The following ANKRD18B variants were observed in gnomAD, a reference collection of about 807,000 sequenced individuals.
The protein encoded by ANKRD18B is ankyrin repeat domain-containing protein 18B.
In ANKRD18B, 75 loss-of-function variants were observed where a neutral mutation model predicts 111.8. The observed-to-expected ratio is 0.67, with a 90% CI of 0.56 to 0.81. The LOEUF is 0.81. ANKRD18B is among the 40% of genes least tolerant of loss of function. The pLI is 0.00. For missense variants in ANKRD18B, 1,038 were observed against 1,225.5 expected (o/e 0.85, Z 2.28); for synonymous variants, 356 against 417.3 (o/e 0.85, Z 1.79).
downstream of ANKRD18B, among the ~76,000 whole-genome samples, chr9:33,575,071 G>C (rs1828841791): frequency 6.6e-6 from 1 of 152,218 alleles, no homozygotes; most frequent in Non-Finnish European, 1.5e-5. Context: ...TCACTATCAA[G>C]TGGGTGGTTT....
intron 18 of ANKRD18B, chr9:33,571,951 T>C (rs1349251291): frequency 2.2e-5 from 4 of 184,926 alleles, no homozygotes; most frequent in Non-Finnish European, 4.5e-5. Flanking sequence ...AGTGCCCCGC[T>C]GTATACCTGT....
At chr9:33,532,244 G>C (rs1239467442) in intron 3 of ANKRD18B, among the ~76,000 whole-genome samples, 1 of 151,580 alleles carries the variant, frequency 6.6e-6, no homozygotes, top group African/African-American at 2.4e-5. Context: ...CAAAAAAAAA[G>C]AAAAAAAGTG....
chr9:33,552,531 C>T (rs975531691), intron 12 of ANKRD18B, among the ~76,000 whole-genome samples: 3 of 152,080 alleles, frequency 2.0e-5, no homozygotes, highest in Admixed American at 1.3e-4. Context: ...CTGGTCATGT[C>T]GGTTATGTAC....
chr9:33,528,026 G>A (rs190988974), intron 1 of ANKRD18B, among the ~76,000 whole-genome samples: 13 of 152,326 alleles, frequency 8.5e-5, no homozygotes, highest in Admixed American at 4.6e-4. Context: ...CTGGCTGGGT[G>A]CGTGGCTCAC....
intron 16 of ANKRD18B, among the ~76,000 whole-genome samples, chr9:33,568,411 A>G (rs1437231846): frequency 4.6e-5 from 7 of 152,212 alleles, no homozygotes; most frequent in Non-Finnish European, 7.3e-5. Flanking sequence ...GCTGTACATC[A>G]CTGATAGCCA....
chr9:33,569,099 C>A (rs1248040840), intron 17 of ANKRD18B: 2 of 455,560 alleles, frequency 4.4e-6, no homozygotes, highest in East Asian at 3.7e-5. Flanking sequence ...CATTTGCTAA[C>A]TTTATTCAAT....
intron 14 of ANKRD18B, among the ~76,000 whole-genome samples, chr9:33,560,387 C>G (rs902533848): frequency 6.6e-6 from 1 of 152,210 alleles, no homozygotes; most frequent in African/African-American, 2.4e-5. Context: ...ATGTGGGCCT[C>G]CAGTCTGCTG....
downstream of ANKRD18B, among the ~76,000 whole-genome samples, chr9:33,574,078 G>A (rs568155118): frequency 2.5e-4 from 36 of 142,842 alleles, 7 homozygotes; most frequent in Non-Finnish European, 4.1e-4. Context: ...GGGCTCAGTC[G>A]GCTGGGGACT....
rs190336871 is a variant in ANKRD18B, at chr9:33,555,772, C to T, written c.2282C>T (p.Ala761Val). ...TTAATATCATTACTGAACTATACTG[C>T]GGATCAAATAAGAAAGAAAAATCGT... is the stretch of plus-strand genomic sequence containing the variant. ...FELISLLNYT[A>V]DQIRKKNREL... The change falls in exon 13 of 19, where the codon GCG (alanine) becomes GTG (valine). Residue 761 changes from alanine to valine, a missense_variant. Ala to Val is a moderately conservative substitution (Grantham distance 64). Transcript: ENST00000684830. The T allele has an allele frequency of 1.4e-4, 202 of 1,403,272 alleles. No individual in the cohort carries two copies. The highest frequency in any genetic ancestry group is 1.9e-4 in the South Asian group (11 of 58,744). 86.9% of individuals were successfully genotyped at this position (1,403,272 alleles called of 1,614,324 possible).
intron 18 of ANKRD18B, chr9:33,572,020 G>A (rs921378922): frequency 1.8e-4 from 64 of 364,096 alleles, no homozygotes; most frequent in African/African-American, 1.3e-3. Context: ...TATAGCATAT[G>A]ACTATTGGGA....
chr9:33,542,092 C>G (rs1468686912), intron 9 of ANKRD18B, among the ~76,000 whole-genome samples: 1 of 151,282 alleles, frequency 6.6e-6, no homozygotes, highest in African/African-American at 2.4e-5. Flanking sequence ...AAAAGCCATC[C>G]CTGACAGCTT....
chr9:33,539,138 A>G (rs1191341371), intron 6 of ANKRD18B, among the ~76,000 whole-genome samples: 1 of 152,238 alleles, frequency 6.6e-6, no homozygotes, highest in African/African-American at 2.4e-5. Flanking sequence ...CATTTTTCCA[A>G]TGTTACAAAA....
intron 10 of ANKRD18B, among the ~76,000 whole-genome samples, chr9:33,546,137 T>G (rs1032630581): frequency 2.0e-5 from 3 of 152,198 alleles, no homozygotes; most frequent in African/African-American, 7.2e-5. Flanking sequence ...TGAATTACAT[T>G]TATTTAAATG....
chr9:33,564,772 A>G (rs1828661210), intron 14 of ANKRD18B, among the ~76,000 whole-genome samples: 2 of 152,022 alleles, frequency 1.3e-5, no homozygotes, highest in Admixed American at 6.6e-5. Context: ...TGTAGGTTTG[A>G]TTTGTATTTC....
rs1180328888 is a variant in ANKRD18B, at chr9:33,566,222, G to C, written c.2464G>C (p.Asp822His). The part of the protein sequence containing the change: ...ILFKKLKQKF[D>H]DLMAEKEAVS... ...CTCTATTATTTTATTAATGCAGTTT[G>C]ATGATCTTATGGCCGAGAAGGAAGC... is the stretch of plus-strand genomic sequence containing the variant. The change falls in exon 15 of 19, where the codon GAT becomes CAT. Residue 822 changes from aspartate to histidine, a missense_variant. Physicochemically the swap from Asp to His is moderately conservative, Grantham distance 81. Around this residue, in one of 4 missense-constraint regions of ANKRD18B, gnomAD observed 524 missense variants for 677.9 expected, o/e 0.77. Transcript: ENST00000684830. 6.4e-7 allele frequency: 1 copy of C among 1,551,920 alleles called. No homozygotes were observed. Among genetic ancestry groups the C allele is most frequent in the Admixed American group, 1.9e-5 (1 of 51,294 alleles).
At chr9:33,553,748 T>C (rs1392024472) in intron 12 of ANKRD18B, among the ~76,000 whole-genome samples, 1 of 152,130 alleles carries the variant, frequency 6.6e-6, no homozygotes, top group Non-Finnish European at 1.5e-5. Flanking sequence ...AGGCAAACAA[T>C]TGATAATCTG....
intron 1 of ANKRD18B, among the ~76,000 whole-genome samples, chr9:33,528,259 C>T (rs1828055546): frequency 6.6e-6 from 1 of 152,210 alleles, no homozygotes; most frequent in African/African-American, 2.4e-5. Context: ...CATAAATACA[C>T]CATTGCACTC....
Position 33,524,620 on chromosome 9 carries a change from A to G in ANKRD18B, c.131A>G (p.Lys44Arg), listed in dbSNP as rs754691965. The G allele has an allele frequency of 2.1e-5, 32 of 1,551,572 alleles. 2 individuals are homozygous for G. In the South Asian group the frequency reaches 3.6e-4, roughly 17 times the overall value. ...ELRKIHRAAIKGDAAEVEHCL... is the reference protein window; with the variant it reads ...ELRKIHRAAIRGDAAEVEHCL... Reference sequence around the variant, plus strand: ...CGGAAGATCCACAGGGCGGCCATCAAGGGCGACGCCGCAGAGGTGGAGCAC... The same window carrying G: ...CGGAAGATCCACAGGGCGGCCATCAGGGGCGACGCCGCAGAGGTGGAGCAC... The change falls in exon 1 of 19, where the codon AAG (lysine) becomes AGG (arginine). Residue 44 changes from lysine (K) to arginine (R), a missense_variant. Lys to Arg is a conservative substitution (Grantham distance 26). This residue lies in a region of ANKRD18B where 216 missense variants were observed against 205.1 expected (regional missense o/e 1.05). Transcript: ENST00000684830.
chr9:33,547,269 G>A lies in ANKRD18B; in HGVS notation c.1150-669G>A, dbSNP rs370295126. ...AGAACTGGAAGTAGAGTCAGAAGCC[G>A]TGAGGAAAATCCTGCAGCTTGCTTA... On this transcript the variant is annotated intron_variant, in intron 10 of 18. Coordinates refer to ENST00000684830, the MANE Select transcript of ANKRD18B (RefSeq NM_001393611.1). Among the ~76,000 whole-genome samples, 405 of 152,250 alleles carry A rather than the reference G, an allele frequency of 2.7e-3. 2 individuals are homozygous for A. Among genetic ancestry groups the A allele is most frequent in the African/African-American group, 9.0e-3 (374 of 41,572 alleles).
Sources: gnomAD v4.1 joint callset for allele counts (sites outside exome capture counted in the v4.1 genomes callset) on GRCh38, gnomAD v4.1.1 for gene constraint, gnomAD v4.1.1 regional missense constraint, MANE v1.5 for transcripts, NCBI Gene and HGNC (gene_info 2026-07-23, HGNC 2026-07-21) for gene names.